MXRA8: variants seen among roughly 807,000 people sequenced by gnomAD.
The protein encoded by MXRA8 is matrix remodeling associated 8, also known as matrix remodeling-associated protein 8.
Under a neutral mutation model 51.4 loss-of-function variants are expected in MXRA8, and 44 were observed. The observed-to-expected ratio is 0.86, with a 90% CI of 0.67 to 1.10. The LOEUF (loss-of-function observed/expected upper bound fraction) is 1.10. Among genes scored for constraint, MXRA8 ranks in the 50% least tolerant of loss-of-function variants. MXRA8 has a pLI of 0.00. For missense variants in MXRA8, 765 were observed against 638.9 expected (o/e 1.20, Z -2.13); for synonymous variants, 369 against 293.5 (o/e 1.26, Z -2.63).
intron 1 of MXRA8, 101 bp from the exon 2 acceptor site, chr1:1,356,805 A>T: frequency 2.0e-6 from 2 of 1,012,546 alleles, no homozygotes; most frequent in Non-Finnish European, 2.6e-6. Flanking sequence ...CCCAAAGTGG[A>T]TGCTGTGACA....
At chr1:1,358,373 C>A in intron 1 of MXRA8, 83 bp downstream of exon 1, 1 of 1,458,768 alleles carries the variant, frequency 6.9e-7, no homozygotes, top group Admixed American at 2.0e-5. Flanking sequence ...CTGGCCCAAG[C>A]TCAGATGGGC....
At chr1:1,362,960 G>A (rs991076954), upstream of MXRA8, among the ~76,000 whole-genome samples, 2 of 152,096 alleles carry the variant, frequency 1.3e-5, no homozygotes, top group Non-Finnish European at 2.9e-5. Context: ...GCAGGTGCCT[G>A]TAGTTCCAGC....
chr1:1,354,345 C>G lies in MXRA8; in HGVS notation c.1105+9G>C. ...CCTGGGGCCGCTGGCTTTGCCGGGG[C>G]AGCCTCACCTCCGCGGCGCCTGCGG... On this transcript the variant is annotated intron_variant, in intron 6 of 9. Coordinates refer to ENST00000309212, the MANE Select transcript of MXRA8 (RefSeq NM_032348.4). The G allele has an allele frequency of 6.2e-7, 1 of 1,607,924 alleles. No homozygotes were observed. The highest frequency in any genetic ancestry group is 2.2e-5 in the East Asian group (1 of 44,752).
intron 5 of MXRA8, 65 bp from the exon 6 acceptor site, chr1:1,354,574 A>G: frequency 6.4e-7 from 1 of 1,574,466 alleles, no homozygotes; most frequent in Non-Finnish European, 8.6e-7. Context: ...GACCCGGGCC[A>G]CGGCCCCCGC....
Position 1,355,667 on chromosome 1 carries a change from G to A in MXRA8, c.159C>T (p.Arg53=), listed in dbSNP as rs987593385. ...SWEAGARAVL[R]CQSPRMVWTQ... ...TCCACACCATGCGCGGGCTCTGGCA[G>A]CGCAGCACCGCCCGGGCGCCCGCCT... Residue 53 remains arginine, a synonymous_variant, in exon 3 of 10, where the codon CGC becomes CGT. Coordinates refer to ENST00000309212, the MANE Select transcript of MXRA8 (RefSeq NM_032348.4). The A allele has an allele frequency of 1.2e-5, 17 of 1,379,060 alleles. No homozygotes were observed. Among genetic ancestry groups the A allele is most frequent in the Non-Finnish European group, 1.6e-5 (17 of 1,072,706 alleles). The allele number at this position is 1,379,060 out of a possible 1,614,324, so 85.4% of individuals were successfully genotyped here. A position where few individuals can be genotyped will look rare whatever the true frequency, so the allele number is the denominator to read the frequency against.
In MXRA8 at chr1:1,354,190, C is replaced by T; in HGVS notation, c.1145+3G>A. 1 of 1,612,702 alleles carries T rather than the reference C, an allele frequency of 6.2e-7. No individual in the cohort carries two copies. The highest frequency in any genetic ancestry group is 8.5e-7 in the Non-Finnish European group (1 of 1,179,976). ...CCAGGAGGGCCGGGAGGGGGGCACT[C>T]ACCCCTTTGACTTTCCCGACTTCTG... On this transcript the variant is annotated splice_donor_region_variant and intron_variant, in intron 7 of 9. Coordinates refer to ENST00000309212, the MANE Select transcript of MXRA8 (RefSeq NM_032348.4).
chr1:1,357,586 C>T (rs1644157880), intron 1 of MXRA8, among the ~76,000 whole-genome samples: 1 of 152,198 alleles, frequency 6.6e-6, no homozygotes, highest in Non-Finnish European at 1.5e-5. Context: ...GCAGGTGGAT[C>T]ACCTGAGGTC....
upstream of MXRA8, among the ~76,000 whole-genome samples, chr1:1,360,330 T>C (rs1002691451): frequency 2.0e-5 from 3 of 152,190 alleles, no homozygotes; most frequent in African/African-American, 7.2e-5. Flanking sequence ...AACAAAAGGC[T>C]GATGAGGCCA....
intron 1 of MXRA8, among the ~76,000 whole-genome samples, 163 bp from the exon 2 acceptor site, chr1:1,356,867 C>T (rs1644145097): frequency 6.6e-6 from 1 of 152,154 alleles, no homozygotes; most frequent in Non-Finnish European, 1.5e-5. Context: ...ATAGCCCTCC[C>T]TGCCACCGTG....
Position 1,353,237 on chromosome 1 carries a change from C to G in MXRA8, c.*367G>C, listed in dbSNP as rs995394166. 6.9e-7 allele frequency: 1 copy of G among 1,448,236 alleles called. No homozygotes were observed. The highest frequency in any genetic ancestry group is 1.4e-5 in the African/African-American group (1 of 71,046). The allele number at this position is 1,448,236 out of a possible 1,614,324, so 89.7% of individuals were successfully genotyped here. On this transcript the variant is annotated 3_prime_UTR_variant, in exon 10 of 10. Coordinates refer to ENST00000309212, the MANE Select transcript of MXRA8 (RefSeq NM_032348.4). ...GAGCCCTGGAGGAGTGGGACTCCTG[C>G]CCTGAGGCTGACCCCAGTTTTGGGG...
upstream of MXRA8, among the ~76,000 whole-genome samples, chr1:1,361,041 G>A (rs1443267748): frequency 6.6e-6 from 1 of 150,742 alleles, no homozygotes; most frequent in Non-Finnish European, 1.5e-5. Flanking sequence ...TGCACATGAA[G>A]ACACGGAGAC....
rs1644034868 is a variant in MXRA8, at chr1:1,353,064, A to G, written c.*540T>C. The G allele has an allele frequency of 1.6e-6, 1 of 609,464 alleles. No individual in the cohort carries two copies. The highest frequency in any genetic ancestry group is 2.9e-6 in the Non-Finnish European group (1 of 342,602). 37.8% of individuals were successfully genotyped at this position (609,464 alleles called of 1,614,324 possible). ...GAGAACAGATGGTGCCTGGAGTCCC[A>G]CATGGTGGTACAGGTGGGGGAGCTC... On this transcript the variant is annotated 3_prime_UTR_variant, in exon 10 of 10. Transcript: ENST00000309212.
Position 1,354,294 on chromosome 1 carries a change from G to T in MXRA8, c.1105+60C>A. The T allele has an allele frequency of 1.3e-6, 2 of 1,599,474 alleles. 1 individual carries two copies. Among genetic ancestry groups the T allele is most frequent in the South Asian group, 2.2e-5 (2 of 89,802 alleles). On this transcript the variant is annotated intron_variant, in intron 6 of 9. Transcript: ENST00000309212. ...CTTCCGCAGGTCCCCCAGCCCAGAG[G>T]ACCACCCTCCCGCCCACCTCAGTCT... is the stretch of plus-strand genomic sequence containing the variant.
At position 1,354,243 on chromosome 1, in the gene MXRA8, G is replaced by A. The variant is rs910782367; in HGVS notation, c.1106-11C>T. On this transcript the variant is annotated splice_polypyrimidine_tract_variant and intron_variant, in intron 6 of 9. Transcript: ENST00000309212. ...CCGAGTATTCGTAGCCTGGGAAGGA[G>A]ACTCACATTGGGGGCAGTGCCGCCC... 12 of 1,611,566 alleles carry A rather than the reference G, an allele frequency of 7.4e-6. No homozygotes were observed. Among genetic ancestry groups the A allele is most frequent in the Non-Finnish European group, 1.0e-5 (12 of 1,179,610 alleles).
At chr1:1,354,572 C>A in intron 5 of MXRA8, 63 bp from the exon 6 acceptor site, 3 of 1,574,824 alleles carry the variant, frequency 1.9e-6, no homozygotes, top group Non-Finnish European at 2.6e-6. Context: ...CCGACCCGGG[C>A]CACGGCCCCC....
At chr1:1,361,418 G>A (rs1644220797), upstream of MXRA8, 1 of 669,046 alleles carries the variant, frequency 1.5e-6, no homozygotes, top group East Asian at 2.7e-5. Flanking sequence ...TGCATGTGGT[G>A]GAGGGAATGA....
At chr1:1,354,326 G>GC (rs1557681370) in intron 6 of MXRA8, 28 bp downstream of exon 6, 3 of 1,602,474 alleles carry the variant, frequency 1.9e-6, no homozygotes, top group Middle Eastern at 3.3e-4. Context: ...GTCTCCTGGG[G>GC]CCGCTGGCTT....
At chr1:1,358,908 A>G (rs1360105989), upstream of MXRA8, 52 of 1,002,076 alleles carry the variant, frequency 5.2e-5, no homozygotes, top group Admixed American at 5.8e-5. Flanking sequence ...GCCTCCCCCC[A>G]CGTGAGCCAC....
chr1:1,358,078 C>T (rs1317185095), intron 1 of MXRA8, among the ~76,000 whole-genome samples: 1 of 152,172 alleles, frequency 6.6e-6, no homozygotes, highest in Admixed American at 6.5e-5. Flanking sequence ...CAGCAGCCAG[C>T]CCAGGCCTGG....
Sources: allele counts gnomAD v4.1 joint callset (sites outside exome capture counted in the v4.1 genomes callset), GRCh38; gene constraint gnomAD v4.1.1; transcripts MANE v1.5; gene names NCBI Gene and HGNC (gene_info 2026-07-23, HGNC 2026-07-21).